TRHR: variants seen among roughly 807,000 people sequenced by gnomAD.
TRHR encodes the protein thyrotropin-releasing hormone receptor.
TRHR carries 14 observed loss-of-function variants against 28.0 expected under a neutral mutation model. The observed-to-expected ratio is 0.50, with a 90% CI of 0.33 to 0.78. TRHR has a LOEUF of 0.78. TRHR is among the 30% of genes least tolerant of loss of function. TRHR has a pLI of 0.02. For synonymous variants in TRHR, 176 were observed against 171.9 expected, an observed-to-expected ratio of 1.02 and a Z score of -0.18; for missense variants, 438 against 469.5, an observed-to-expected ratio of 0.93 and a Z score of 0.62.
In TRHR at chr8:109,087,925, C is replaced by T; in HGVS notation, c.413C>T (p.Thr138Ile). 6.2e-7 allele frequency: 1 copy of T among 1,614,184 alleles called. No homozygotes were observed. The highest frequency in any genetic ancestry group is 1.1e-5 in the South Asian group (1 of 91,080). ...CHPIKAQFLC[T>I]FSRAKKIIIF... ...CCCATCAAAGCCCAGTTTCTCTGCA[C>T]ATTTTCCAGAGCCAAAAAGATTATC... is the stretch of plus-strand genomic sequence containing the variant. Residue 138 changes from threonine to isoleucine, a missense_variant, in exon 2 of 3, where the codon ACA becomes ATA. Physicochemically the swap from Thr to Ile is moderately conservative, Grantham distance 89 (BLOSUM62 -1). Transcript: ENST00000518632.
chr8:109,093,390 G>C (rs1307967066), intron 2 of TRHR, among the ~76,000 whole-genome samples: 1 of 141,898 alleles, frequency 7.0e-6, no homozygotes, highest in Non-Finnish European at 1.5e-5. Flanking sequence ...CCTACCTCTA[G>C]TGCTATTTAC....
chr8:109,089,569 T>C (rs1204091346), intron 2 of TRHR, among the ~76,000 whole-genome samples: 1 of 152,144 alleles, frequency 6.6e-6, no homozygotes, highest in Non-Finnish European at 1.5e-5. Flanking sequence ...TTGGTTTATA[T>C]AATACTTATT....
Position 109,088,102 on chromosome 8 carries a change from G to A in TRHR, c.590G>A (p.Gly197Asp). ...TCACCTATTTACCTAATGGACTTTG[G>A]TGTCTTTTATGTTGTGCCAATGATC... is the stretch of plus-strand genomic sequence containing the variant. Reference protein sequence around the residue: ...YYSPIYLMDFGVFYVVPMILA... With the variant: ...YYSPIYLMDFDVFYVVPMILA... Residue 197 changes from glycine (G) to aspartate (D), a missense_variant, in exon 2 of 3, where the codon GGT becomes GAT. Coordinates refer to ENST00000518632, the MANE Select transcript of TRHR (RefSeq NM_003301.7). The A allele has an allele frequency of 6.2e-7, 1 of 1,614,096 alleles. No homozygotes were observed. Among genetic ancestry groups the A allele is most frequent in the African/African-American group, 1.3e-5 (1 of 74,998 alleles).
In TRHR at chr8:109,121,545, A is replaced by G. The variant is rs899200010; in HGVS notation, c.*2090A>G. ...CCTAATTCCTAATTAATAAAAAGTTATGGATTTTGCAGAATGATTATATCA... is the reference window on the plus strand; with the variant it reads ...CCTAATTCCTAATTAATAAAAAGTTGTGGATTTTGCAGAATGATTATATCA... On this transcript the variant is annotated 3_prime_UTR_variant, in exon 3 of 3. Coordinates refer to ENST00000518632, the MANE Select transcript of TRHR (RefSeq NM_003301.7). Among the ~76,000 whole-genome samples, 4 of 151,716 alleles carry G rather than the reference A, an allele frequency of 2.6e-5. No individual in the cohort carries two copies. The highest frequency in any genetic ancestry group is 9.7e-5 in the African/African-American group (4 of 41,390).
intron 2 of TRHR, among the ~76,000 whole-genome samples, chr8:109,099,518 C>T (rs1001285527): frequency 9.9e-5 from 15 of 152,180 alleles, no homozygotes; most frequent in Non-Finnish European, 2.2e-4. Flanking sequence ...GTGGATTTAT[C>T]TAAAACAGAA....
chr8:109,087,525 ACAGT>A lies in TRHR; in HGVS notation c.18_21del (p.Ser7AsnfsTer2). ...TAAGCTTCTAAAGATGGAAAACGAG[ACAGT>A]CAGTGAACTGAACCAAACACAGCTT... On this transcript the variant is annotated frameshift_variant, in exon 2 of 3. Transcript: ENST00000518632. LOFTEE classifies it high-confidence loss of function. 6.2e-7 allele frequency: 1 copy of A among 1,614,188 alleles called. No individual in the cohort carries two copies. The highest frequency in any genetic ancestry group is 8.5e-7 in the Non-Finnish European group (1 of 1,180,034).
intron 2 of TRHR, among the ~76,000 whole-genome samples, chr8:109,104,286 C>A (rs1023528140): frequency 6.6e-6 from 1 of 152,076 alleles, no homozygotes; most frequent in African/African-American, 2.4e-5. Flanking sequence ...ATAAAATATT[C>A]TTTCAAAAGC....
intron 1 of TRHR, among the ~76,000 whole-genome samples, chr8:109,087,165 CA>C (rs2129860130): frequency 6.6e-6 from 1 of 151,382 alleles, no homozygotes; most frequent in South Asian, 2.1e-4. Context: ...TGTTTCAAAA[CA>C]ATTAGTTTTT....
At chr8:109,108,385 G>A (rs925268790) in intron 2 of TRHR, among the ~76,000 whole-genome samples, 2 of 152,038 alleles carry the variant, frequency 1.3e-5, no homozygotes, top group Admixed American at 1.3e-4. Context: ...ACCCTTACCA[G>A]GCTATATAGC....
Position 109,119,787 on chromosome 8 carries a change from TC to T in TRHR, c.*333del, listed in dbSNP as rs1229340006. Among the ~76,000 whole-genome samples the T allele has an allele frequency of 3.3e-5, 5 of 151,930 alleles. No individual in the cohort carries two copies. Among genetic ancestry groups the T allele is most frequent in the African/African-American group, 1.2e-4 (5 of 41,420 alleles). On this transcript the variant is annotated 3_prime_UTR_variant, in exon 3 of 3. Coordinates refer to ENST00000518632, the MANE Select transcript of TRHR (RefSeq NM_003301.7). Reference sequence around the variant, plus strand: ...AAATCTAGACATCAATTTACATTATTCATAGTAACCTTATCAAATGTCACTT... The same window carrying T: ...AAATCTAGACATCAATTTACATTATTATAGTAACCTTATCAAATGTCACTT...
At chr8:109,096,040 C>T (rs777668835) in intron 2 of TRHR, among the ~76,000 whole-genome samples, 4 of 152,158 alleles carry the variant, frequency 2.6e-5, no homozygotes, top group Non-Finnish European at 5.9e-5. Flanking sequence ...ATCTCTCTAA[C>T]ACAGAGATAC....
intron 2 of TRHR, among the ~76,000 whole-genome samples, chr8:109,102,640 G>A (rs1811694048): frequency 6.6e-6 from 1 of 152,074 alleles, no homozygotes; most frequent in African/African-American, 2.4e-5. Context: ...TTTTTTCAGT[G>A]AAGTAGAATG....
At chr8:109,098,610 T>C (rs1261891599) in intron 2 of TRHR, among the ~76,000 whole-genome samples, 6 of 152,178 alleles carry the variant, frequency 3.9e-5, no homozygotes, top group African/African-American at 1.2e-4. Context: ...ACATTTATGA[T>C]CTGCTCCCTG....
chr8:109,098,304 C>A lies in TRHR; in HGVS notation c.789+10003C>A, dbSNP rs893029799. Among the ~76,000 whole-genome samples the A allele has an allele frequency of 5.4e-4, 82 of 151,620 alleles. 1 individual carries two copies. Among genetic ancestry groups the A allele is most frequent in the Middle Eastern group, 3.4e-3 (1 of 294 alleles). ...GCTACCATGCCTGGCTAATTTTGTT[C>A]ATTTTTGTATAAAGACGAGGTCTCA... is the stretch of plus-strand genomic sequence containing the variant. On this transcript the variant is annotated intron_variant, in intron 2 of 2. Coordinates refer to ENST00000518632, the MANE Select transcript of TRHR (RefSeq NM_003301.7).
At chr8:109,108,521 C>T (rs1289443652) in intron 2 of TRHR, among the ~76,000 whole-genome samples, 3 of 152,152 alleles carry the variant, frequency 2.0e-5, no homozygotes, top group African/African-American at 7.2e-5. Flanking sequence ...TTCCTAAAAA[C>T]TAGTTCCAAA....
Position 109,121,313 on chromosome 8 carries a change from T to C in TRHR, c.*1858T>C, listed in dbSNP as rs1812004206. Among the ~76,000 whole-genome samples the C allele has an allele frequency of 6.6e-6, 1 of 151,704 alleles. No individual in the cohort carries two copies. Among genetic ancestry groups the C allele is most frequent in the South Asian group, 2.1e-4 (1 of 4,832 alleles). On this transcript the variant is annotated 3_prime_UTR_variant, in exon 3 of 3. Transcript: ENST00000518632. ...CAACCCCAAATCACACAAGCACATG[T>C]GTGTTTATAAACACATACCCACATG...
chr8:109,098,234 A>G (rs1489092182), intron 2 of TRHR, among the ~76,000 whole-genome samples: 2 of 151,036 alleles, frequency 1.3e-5, no homozygotes, highest in Non-Finnish European at 3.0e-5. Flanking sequence ...GGCTCAAGCA[A>G]TCCTCCCATG....
chr8:109,105,877 C>G (rs185431639), intron 2 of TRHR, among the ~76,000 whole-genome samples: 5 of 152,230 alleles, frequency 3.3e-5, no homozygotes, highest in East Asian at 3.9e-4. Context: ...CCCACAAAGG[C>G]TAAAATATTT....
chr8:109,095,392 A>G (rs1215074201), intron 2 of TRHR, among the ~76,000 whole-genome samples: 1 of 152,164 alleles, frequency 6.6e-6, no homozygotes, highest in African/African-American at 2.4e-5. Flanking sequence ...CAGAGAAAAA[A>G]GAAGGAAAGT....
Sources: gnomAD v4.1 joint callset for allele counts (sites outside exome capture counted in the v4.1 genomes callset) on GRCh38, gnomAD v4.1.1 for gene constraint, MANE v1.5 for transcripts, NCBI Gene and HGNC (gene_info 2026-07-23, HGNC 2026-07-21) for gene names.